The following CACNA1A variants were observed in gnomAD, a reference collection of about 807,000 sequenced individuals.
CACNA1A encodes the protein voltage-dependent P/Q-type calcium channel subunit alpha-1A.
In CACNA1A, 57 loss-of-function variants were observed where a neutral mutation model predicts 262.4. The ratio of observed to expected loss-of-function variants is 0.22; its 90% CI spans 0.18 to 0.27. The LOEUF (loss-of-function observed/expected upper bound fraction) is 0.27. CACNA1A is among the 10% of genes least tolerant of loss of function. CACNA1A has a pLI of 1.00. For missense variants in CACNA1A, 2,526 were observed against 3,562.8 expected (o/e 0.71, Z 7.41); for synonymous variants, 1,431 against 1,419.3 (o/e 1.01, Z -0.18).
chr19:13,432,827 T>C (rs187639507), intron 3 of CACNA1A, among the ~76,000 whole-genome samples: 11 of 152,228 alleles, frequency 7.2e-5, no homozygotes, highest in African/African-American at 2.4e-4. Context: ...GAACATCCCA[T>C]TGTACTCCAT....
At chr19:13,420,706 G>A (rs752047896) in intron 3 of CACNA1A, among the ~76,000 whole-genome samples, 27 of 152,034 alleles carry the variant, frequency 1.8e-4, no homozygotes, top group Middle Eastern at 3.2e-3. Flanking sequence ...GTTTTAAGCC[G>A]CCAAGTTCAT....
At chr19:13,458,797 T>C (rs1237957102) in intron 1 of CACNA1A, among the ~76,000 whole-genome samples, 1 of 152,220 alleles carries the variant, frequency 6.6e-6, no homozygotes, top group Admixed American at 6.5e-5. Context: ...GCTGTCTCCC[T>C]GCCACACCCC....
chr19:13,214,709 C>G lies in CACNA1A; in HGVS notation c.5732-101G>C. On this transcript the variant is annotated intron_variant, in intron 38 of 46. Transcript: ENST00000360228. The surrounding 1 kb of genome is among the most constrained non-coding windows in gnomAD (Gnocchi z 4.1). ...AGGCTCCCGAGAACGAGACCCCAAT[C>G]TTTCTGGTCCCCATGGGGTCTCCAG... 1 of 884,110 alleles carries G rather than the reference C, an allele frequency of 1.1e-6. No homozygotes were observed. Among genetic ancestry groups the G allele is most frequent in the South Asian group, 1.5e-5 (1 of 65,622 alleles). The allele number at this position is 884,110 out of a possible 1,614,324, so 54.8% of individuals were successfully genotyped here. A position where few individuals can be genotyped will look rare whatever the true frequency, so the allele number is the denominator to read the frequency against.
chr19:13,307,700 G>A (rs529345807), intron 15 of CACNA1A, 82 bp downstream of exon 15: 2 of 1,140,734 alleles, frequency 1.8e-6, no homozygotes, highest in Admixed American at 1.8e-5. Context: ...AGGAGTTCAG[G>A]GAAGCCCCTT....
rs758408703 is a variant in CACNA1A, at chr19:13,212,078, C to G, written c.6303+25G>C. The G allele has an allele frequency of 6.5e-7, 1 of 1,543,638 alleles. No individual in the cohort carries two copies. Among genetic ancestry groups the G allele is most frequent in the South Asian group, 1.1e-5 (1 of 89,496 alleles). On this transcript the variant is annotated intron_variant, in intron 43 of 46. Coordinates refer to ENST00000360228, the MANE Select transcript of CACNA1A (RefSeq NM_001127222.2). The surrounding 1 kb of genome is among the most constrained non-coding windows in gnomAD (Gnocchi z 5.6). ...CCAGTGCAGAGTGAGGGGTCCAGCC[C>G]CAGGGCAGTGGTGAAAGCCCTCACC... is the stretch of plus-strand genomic sequence containing the variant.
rs1600124326 is a variant in CACNA1A at position 13,228,789 on chromosome 19, C to A, written c.5529-1262G>T. The A allele has an allele frequency of 6.3e-7, 1 of 1,581,820 alleles. No individual in the cohort carries two copies. ...AACTGTACATATCCTTATAATGAAT[C>A]CGACCGCTGAAAGGAGAAGAAAGGG... On this transcript the variant is annotated intron_variant, in intron 36 of 46. Coordinates refer to ENST00000360228, the MANE Select transcript of CACNA1A (RefSeq NM_001127222.2).
chr19:13,470,481 T>C (rs1207538437), intron 1 of CACNA1A, among the ~76,000 whole-genome samples: 1 of 152,234 alleles, frequency 6.6e-6, no homozygotes, highest in African/African-American at 2.4e-5. Context: ...TTTGCTCCTC[T>C]TTTTCTATCC....
intron 6 of CACNA1A, among the ~76,000 whole-genome samples, chr19:13,347,983 T>TAA (rs752045887): frequency 3.9e-5 from 6 of 152,140 alleles, no homozygotes; most frequent in Non-Finnish European, 8.8e-5. Context: ...TGCAGGGGTG[T>TAA]AATCACAGCT....
intron 3 of CACNA1A, among the ~76,000 whole-genome samples, chr19:13,415,743 T>TA (rs71170510): frequency 0.033 from 1,393 of 42,498 alleles, 94 homozygotes; most frequent in Non-Finnish European, 0.042. Context: ...CTGTCTCAAT[T>TA]AAAAAAAAAA....
At chr19:13,222,847 A>G (rs968472102) in intron 38 of CACNA1A, among the ~76,000 whole-genome samples, 3 of 150,068 alleles carry the variant, frequency 2.0e-5, no homozygotes, top group Non-Finnish European at 4.4e-5. Flanking sequence ...GGCGCCCACC[A>G]TGACACCCGG....
chr19:13,253,029 G>C lies in CACNA1A; in HGVS notation c.4828C>G (p.Leu1610Val), dbSNP rs2056443914. ...GCCATGACTTTCAGCACACATTCCA[G>C]AGAGAAGAGGGAGGTGAAGACGATG... ...FNIVFTSLFSLECVLKVMAFG... is the reference protein window; with the variant it reads ...FNIVFTSLFSVECVLKVMAFG... The change falls in exon 30 of 47, where the codon CTG (leucine) becomes GTG (valine). Residue 1610 changes from leucine (L) to valine (V), a missense_variant. Physicochemically the swap from Leu to Val is conservative, Grantham distance 32. Around this residue, in one of 17 missense-constraint regions of CACNA1A, gnomAD observed 66 missense variants for 195.8 expected, o/e 0.34. Coordinates refer to ENST00000360228, the MANE Select transcript of CACNA1A (RefSeq NM_001127222.2). 1 of 1,613,684 alleles carries C rather than the reference G, an allele frequency of 6.2e-7. No individual in the cohort carries two copies. The highest frequency in any genetic ancestry group is 8.5e-7 in the Non-Finnish European group (1 of 1,179,606).
intron 6 of CACNA1A, among the ~76,000 whole-genome samples, chr19:13,336,634 A>AGAGAGC (rs2058580063): frequency 1.3e-5 from 2 of 150,260 alleles, no homozygotes; most frequent in African/African-American, 4.9e-5. Flanking sequence ...AGAGAGAGAG[A>AGAGAGC]GAGAGAAAAG....
chr19:13,208,649 G>T, intron 46 of CACNA1A, 107 bp downstream of exon 46: 1 of 1,359,106 alleles, frequency 7.4e-7, no homozygotes, highest in South Asian at 1.5e-5. Context: ...GGTCACAGCC[G>T]GGATCCGGGG....
At chr19:13,280,356 AAT>A (rs1491265977) in intron 22 of CACNA1A, among the ~76,000 whole-genome samples, 24 of 149,888 alleles carry the variant, frequency 1.6e-4, no homozygotes, top group African/African-American at 5.4e-4. Flanking sequence ...AAAAAAAAAA[AAT>A]TTTTTTTTTT....
intron 22 of CACNA1A, 146 bp downstream of exon 22, chr19:13,283,121 G>T: frequency 1.1e-6 from 1 of 932,244 alleles, no homozygotes; most frequent in Non-Finnish European, 1.6e-6. Flanking sequence ...AGGAATCAGA[G>T]CTTCCCCTCT....
intron 22 of CACNA1A, among the ~76,000 whole-genome samples, chr19:13,279,427 G>A (rs1309741716): frequency 6.6e-6 from 1 of 152,152 alleles, no homozygotes; most frequent in African/African-American, 2.4e-5. Flanking sequence ...GTGTTGACAA[G>A]GATGTGGAAG....
intron 3 of CACNA1A, among the ~76,000 whole-genome samples, chr19:13,416,194 G>A (rs1022530546): frequency 1.3e-5 from 2 of 152,106 alleles, no homozygotes; most frequent in Non-Finnish European, 2.9e-5. Flanking sequence ...TTGACCTCTT[G>A]GGCTCAAGCG....
intron 10 of CACNA1A, among the ~76,000 whole-genome samples, chr19:13,328,869 A>G (rs555922396): frequency 1.2e-4 from 18 of 152,040 alleles, no homozygotes; most frequent in Non-Finnish European, 1.9e-4. Context: ...GATCAGAAAC[A>G]CATGGATGTA....
intron 43 of CACNA1A, chr19:13,210,949 G>T (rs887376253): frequency 2.0e-6 from 1 of 502,458 alleles, no homozygotes; most frequent in South Asian, 2.4e-5. Flanking sequence ...AAGACAGGAC[G>T]GCGCAGCCTC....
Sources: gnomAD v4.1 joint callset for allele counts (sites outside exome capture counted in the v4.1 genomes callset) on GRCh38, gnomAD v4.1.1 for gene constraint, gnomAD v4.1.1 regional missense constraint, Gnocchi (gnomAD v3.1) non-coding constraint, MANE v1.5 for transcripts, NCBI Gene and HGNC (gene_info 2026-07-23, HGNC 2026-07-21) for gene names.